Variants in SCAPER observed in about 807,000 individuals in gnomAD.
SCAPER encodes the protein S-phase cyclin A associated protein in the ER.
A neutral mutation model predicts 182.2 loss-of-function variants in SCAPER; 98 were observed. The ratio of observed to expected loss-of-function variants is 0.54; its 90% confidence interval spans 0.46 to 0.64. SCAPER has a LOEUF of 0.64. SCAPER is among the 30% of genes least tolerant of loss of function. The probability of loss-of-function intolerance (pLI) is 0.00; values close to 1 mark genes in which losing one functional copy is unlikely to be tolerated. For synonymous variants in SCAPER, 605 were observed against 564.6 expected (o/e 1.07, Z -1.01); for missense variants, 1,432 against 1,690.0 (o/e 0.85, Z 2.68).
chr15:76,452,369 T>G (rs1358113869), intron 25 of SCAPER, among the ~76,000 whole-genome samples: 1 of 152,244 alleles, frequency 6.6e-6, no homozygotes, highest in East Asian at 1.9e-4. Flanking sequence ...GTTTCCCACC[T>G]GGCTACTGGG....
chr15:76,445,837 G>A (rs1169834286), intron 25 of SCAPER, among the ~76,000 whole-genome samples: 1 of 152,084 alleles, frequency 6.6e-6, no homozygotes, highest in African/African-American at 2.4e-5. Flanking sequence ...CATTACTGCT[G>A]GATGAGGATT....
At chr15:76,837,041 G>A (rs537703951) in intron 5 of SCAPER, among the ~76,000 whole-genome samples, 9 of 152,086 alleles carry the variant, frequency 5.9e-5, no homozygotes, top group Middle Eastern at 3.4e-3. Context: ...ATAGACAAGT[G>A]GGACATAATT....
rs555974348 is a variant in SCAPER at position 76,674,428 on chromosome 15, T to C, written c.2509-8639A>G. ...CAGACTCCATAGTAATAGAGCTTTA[T>C]AGCAAGTCACATAAGTCTTTCACTA... On this transcript the variant is annotated intron_variant, in intron 20 of 31. Transcript: ENST00000563290. Among the ~76,000 whole-genome samples the C allele has an allele frequency of 7.6e-4, 115 of 152,302 alleles. 1 individual carries two copies. The highest frequency in any genetic ancestry group is 2.7e-3 in the African/African-American group (111 of 41,562).
intron 23 of SCAPER, among the ~76,000 whole-genome samples, chr15:76,523,416 T>C (rs2042965864): frequency 6.6e-6 from 1 of 152,116 alleles, no homozygotes; most frequent in South Asian, 2.1e-4. Flanking sequence ...GGTCAGTCAC[T>C]GATTGTCCTT....
chr15:76,366,006 C>T (rs1398553810), intron 29 of SCAPER, among the ~76,000 whole-genome samples: 1 of 151,980 alleles, frequency 6.6e-6, no homozygotes, highest in East Asian at 1.9e-4. Context: ...AAATATGCCA[C>T]CCCCAAATTC....
chr15:76,629,255 T>C (rs527934108), intron 21 of SCAPER, among the ~76,000 whole-genome samples: 1 of 152,378 alleles, frequency 6.6e-6, no homozygotes, highest in African/African-American at 2.4e-5. Flanking sequence ...TTTATTTTTT[T>C]CTCTTGCCTG....
intron 5 of SCAPER, among the ~76,000 whole-genome samples, chr15:76,834,586 T>C (rs1463526501): frequency 1.3e-5 from 2 of 151,828 alleles, no homozygotes; most frequent in Non-Finnish European, 2.9e-5. Flanking sequence ...CATTGAGACA[T>C]GAAAATCCAT....
intron 21 of SCAPER, among the ~76,000 whole-genome samples, chr15:76,660,593 A>T (rs1268917378): frequency 6.6e-6 from 1 of 152,128 alleles, no homozygotes; most frequent in East Asian, 1.9e-4. Flanking sequence ...AAGCTTCCTC[A>T]ATCTGATAAA....
At chr15:76,749,162 T>C (rs1334965482) in intron 15 of SCAPER, among the ~76,000 whole-genome samples, 2 of 132,228 alleles carry the variant, frequency 1.5e-5, no homozygotes, top group East Asian at 4.1e-4. Context: ...TAATATACTA[T>C]GAATACATAA....
chr15:76,637,742 A>ATATATGTG (rs1414519401), intron 21 of SCAPER, among the ~76,000 whole-genome samples: 1 of 105,842 alleles, frequency 9.4e-6, no homozygotes, highest in Non-Finnish European at 1.8e-5. Flanking sequence ...ATATATATAT[A>ATATATGTG]TGTGTGTGTG....
chr15:76,852,053 A>C lies in SCAPER; in HGVS notation c.195+5756T>G, dbSNP rs560829189. Among the ~76,000 whole-genome samples the C allele has an allele frequency of 8.5e-5, 13 of 152,316 alleles. No individual in the cohort carries two copies. The East Asian group carries it at 1.9e-3, about 23-fold the overall frequency. ...GTGGTTACAATCCTAACTTCAGACA[A>C]AACAGACTTTGGGCCAACAAAGATC... On this transcript the variant is annotated intron_variant, in intron 4 of 31. Transcript: ENST00000563290.
intron 24 of SCAPER, among the ~76,000 whole-genome samples, chr15:76,501,391 C>T (rs1567286022): frequency 1.4e-5 from 2 of 148,038 alleles, no homozygotes; most frequent in African/African-American, 2.5e-5. Context: ...TTCATTCACA[C>T]GAAGTTGCTT....
intron 24 of SCAPER, among the ~76,000 whole-genome samples, chr15:76,476,984 A>C (rs2050704215): frequency 6.6e-6 from 1 of 152,176 alleles, no homozygotes; most frequent in Admixed American, 6.5e-5. Flanking sequence ...GGGGAAGCTC[A>C]GGTTGATTTA....
At chr15:76,550,447 T>C (rs1472651743) in intron 23 of SCAPER, among the ~76,000 whole-genome samples, 5 of 152,178 alleles carry the variant, frequency 3.3e-5, no homozygotes, top group Admixed American at 6.5e-5. Context: ...ATGCGGTGTT[T>C]GGTTTTCTGT....
At chr15:76,718,978 A>G (rs141508301) in intron 17 of SCAPER, among the ~76,000 whole-genome samples, 73 of 152,224 alleles carry the variant, frequency 4.8e-4, no homozygotes, top group African/African-American at 1.6e-3. Context: ...AGCCATCTGG[A>G]AAACAGGATG....
At chr15:76,738,567 C>T (rs2061392575) in intron 15 of SCAPER, among the ~76,000 whole-genome samples, 1 of 149,386 alleles carries the variant, frequency 6.7e-6, no homozygotes, top group South Asian at 2.1e-4. Flanking sequence ...CTTAGGAGGA[C>T]ACTGTATGGT....
intron 28 of SCAPER, among the ~76,000 whole-genome samples, chr15:76,379,257 A>G (rs1382227749): frequency 6.6e-6 from 1 of 152,116 alleles, no homozygotes; most frequent in Non-Finnish European, 1.5e-5. Flanking sequence ...GAGTAAAGGC[A>G]AGACTGATAA....
At chr15:76,699,709 G>T (rs1249649784) in intron 20 of SCAPER, among the ~76,000 whole-genome samples, 1 of 152,202 alleles carries the variant, frequency 6.6e-6, no homozygotes, top group East Asian at 1.9e-4. Context: ...AGTGGCTAAG[G>T]TGTTCCTGGT....
At chr15:76,464,007 C>CTTTTTTTTTTT (rs10630336) in intron 25 of SCAPER, among the ~76,000 whole-genome samples, 2 of 120,354 alleles carry the variant, frequency 1.7e-5, no homozygotes, top group African/African-American at 3.2e-5. Context: ...TTTCACTGGT[C>CTTTTTTTTTTT]TTTTTTTTTT....
Sources: allele counts gnomAD v4.1 joint callset (sites outside exome capture counted in the v4.1 genomes callset), GRCh38; gene constraint gnomAD v4.1.1; transcripts MANE v1.5; gene names NCBI Gene and HGNC (gene_info 2026-07-23, HGNC 2026-07-21).